FOXO1: variants seen among roughly 807,000 people sequenced by gnomAD.
The protein encoded by FOXO1 is forkhead box protein O1.
FOXO1 carries 6 observed loss-of-function variants against 44.1 expected under a neutral mutation model. The ratio of observed to expected loss-of-function variants is 0.14; its 90% CI spans 0.07 to 0.27. FOXO1 has a LOEUF of 0.27. Ranked by LOEUF, FOXO1 falls within the 10% of genes least tolerant of loss-of-function variation. FOXO1 has a pLI of 1.00. For synonymous variants in FOXO1, 380 were observed against 362.7 expected (o/e 1.05, Z -0.54); for missense variants, 737 against 888.8 (o/e 0.83, Z 2.17).
intron 1 of FOXO1, among the ~76,000 whole-genome samples, chr13:40,627,740 G>A (rs567909920): frequency 2.0e-4 from 31 of 152,084 alleles, no homozygotes; most frequent in Non-Finnish European, 3.5e-4. Flanking sequence ...AGCTGAGACA[G>A]GAGAATCGCT....
intron 1 of FOXO1, among the ~76,000 whole-genome samples, chr13:40,587,672 C>T (rs563179604): frequency 9.8e-5 from 15 of 152,346 alleles, no homozygotes; most frequent in Admixed American, 9.8e-4. Flanking sequence ...GCTTCTTCCA[C>T]ATCTGCTCTT....
chr13:40,658,731 C>T (rs904910221), intron 1 of FOXO1, among the ~76,000 whole-genome samples: 2 of 152,162 alleles, frequency 1.3e-5, no homozygotes, highest in Non-Finnish European at 2.9e-5. Context: ...AAGACGTGGC[C>T]GGGCGCAGTG....
chr13:40,651,656 CAAATATACATCT>C (rs892270454), intron 1 of FOXO1, among the ~76,000 whole-genome samples: 7 of 151,570 alleles, frequency 4.6e-5, no homozygotes, highest in African/African-American at 9.7e-5. Context: ...ACATGACATA[CAAATATACATCT>C]AAATATACAT....
At position 40,665,597 on chromosome 13, in the gene FOXO1, A is replaced by G; in HGVS notation, c.616T>C (p.Ser206Pro). ...YFKDKGDSNS[S>P]AGWKNSIRHN... ...AGTCCACTCACCTTCCAGCCCGCCG[A>G]GCTGTTGCTGTCACCCTTATCCTTG... Residue 206 changes from serine (S) to proline (P), a missense_variant, in exon 1 of 3, where the codon TCG becomes CCG. Transcript: ENST00000379561. The G allele has an allele frequency of 7.0e-7, 1 of 1,432,862 alleles. No homozygotes were observed. The highest frequency in any genetic ancestry group is 9.3e-7 in the Non-Finnish European group (1 of 1,076,236). 88.8% of individuals were successfully genotyped at this position (1,432,862 alleles called of 1,614,324 possible). A position where few individuals can be genotyped will look rare whatever the true frequency, so the allele number is the denominator to read the frequency against.
intron 1 of FOXO1, among the ~76,000 whole-genome samples, chr13:40,622,385 A>C (rs932620965): frequency 5.3e-5 from 8 of 152,208 alleles, no homozygotes; most frequent in Non-Finnish European, 8.8e-5. Context: ...ATAAACATTA[A>C]AACAAACAAA....
intron 1 of FOXO1, among the ~76,000 whole-genome samples, chr13:40,661,024 C>T (rs575216435): frequency 6.6e-6 from 1 of 152,290 alleles, no homozygotes; most frequent in East Asian, 1.9e-4. Context: ...CCACTCTTCT[C>T]GCCATCCCCT....
In FOXO1 at chr13:40,665,829, G is replaced by C. The variant is rs893366224; in HGVS notation, c.384C>G (p.Pro128=). Residue 128 remains proline (P), a synonymous_variant, in exon 1 of 3, where the codon CCC becomes CCG. Transcript: ENST00000379561. ...LHPAPPQPPP[P]GPLSQHPPVP... ...CCGGCGGGTGCTGCGACAGCGGCCC[G>C]GGCGGCGGGGGCTGCGGTGGCGCTG... 1 of 1,161,704 alleles carries C rather than the reference G, an allele frequency of 8.6e-7. No individual in the cohort carries two copies. Among genetic ancestry groups the C allele is most frequent in the African/African-American group, 1.6e-5 (1 of 61,272 alleles). The allele number at this position is 1,161,704 out of a possible 1,614,324, so 72.0% of individuals were successfully genotyped here.
rs75150434 is a variant in FOXO1, at chr13:40,632,560, C to A, written c.630+33023G>T. On this transcript the variant is annotated intron_variant, in intron 1 of 2. Transcript: ENST00000379561. ...GGCTGAGGCACGAATATCTCTTGAGCCCGGGAGGCGGAGGTTGCAGTGAGC... is the reference window on the plus strand; with the variant it reads ...GGCTGAGGCACGAATATCTCTTGAGACCGGGAGGCGGAGGTTGCAGTGAGC... Among the ~76,000 whole-genome samples the A allele has an allele frequency of 1.1e-3, 162 of 151,234 alleles. 4 individuals carry two copies. The East Asian group carries it at 0.02, about 18-fold the overall frequency.
At chr13:40,571,191 G>C (rs993488515) in intron 1 of FOXO1, among the ~76,000 whole-genome samples, 2 of 150,856 alleles carry the variant, frequency 1.3e-5, no homozygotes, top group Non-Finnish European at 2.9e-5. Context: ...TCTGTAGGCG[G>C]AAGGGGAACA....
chr13:40,592,990 G>A (rs939122816), intron 1 of FOXO1, among the ~76,000 whole-genome samples: 3 of 152,136 alleles, frequency 2.0e-5, no homozygotes, highest in Non-Finnish European at 4.4e-5. Flanking sequence ...TATGCCTCAA[G>A]AATAAAGGGA....
chr13:40,589,785 A>G (rs776112686), intron 1 of FOXO1, among the ~76,000 whole-genome samples: 1 of 152,176 alleles, frequency 6.6e-6, no homozygotes, highest in Admixed American at 6.5e-5. Context: ...CAGGAGTCCC[A>G]TTGTTTCAGT....
chr13:40,629,183 C>T (rs1057033355), intron 1 of FOXO1, among the ~76,000 whole-genome samples: 3 of 151,542 alleles, frequency 2.0e-5, no homozygotes, highest in Non-Finnish European at 4.4e-5. Context: ...ACTCTTGTTG[C>T]CCAGGCTGGA....
chr13:40,647,476 C>A (rs901998067), intron 1 of FOXO1, among the ~76,000 whole-genome samples: 3 of 152,176 alleles, frequency 2.0e-5, no homozygotes, highest in African/African-American at 7.2e-5. Flanking sequence ...GTGATCTCAG[C>A]TCACTGCAGC....
At chr13:40,583,428 A>G (rs1018411925) in intron 1 of FOXO1, among the ~76,000 whole-genome samples, 2 of 152,204 alleles carry the variant, frequency 1.3e-5, no homozygotes, top group East Asian at 3.8e-4. Flanking sequence ...TCTAGCTATG[A>G]AAGTCCTAGA....
At chr13:40,573,805 G>A (rs977603980) in intron 1 of FOXO1, among the ~76,000 whole-genome samples, 2 of 152,200 alleles carry the variant, frequency 1.3e-5, no homozygotes, top group Non-Finnish European at 2.9e-5. Context: ...CTGGCTATGC[G>A]CAATACACAT....
chr13:40,581,746 G>A (rs1593387216), intron 1 of FOXO1, among the ~76,000 whole-genome samples: 1 of 152,204 alleles, frequency 6.6e-6, no homozygotes, highest in East Asian at 1.9e-4. Flanking sequence ...GCCATATCTG[G>A]TCATGTAAGA....
At chr13:40,602,924 T>C (rs1186309199) in intron 1 of FOXO1, among the ~76,000 whole-genome samples, 2 of 151,864 alleles carry the variant, frequency 1.3e-5, no homozygotes, top group African/African-American at 4.8e-5. Context: ...ATTAGTAGAG[T>C]TCAAGGTCCC....
At chr13:40,607,855 C>T (rs1876076613) in intron 1 of FOXO1, among the ~76,000 whole-genome samples, 1 of 152,226 alleles carries the variant, frequency 6.6e-6, no homozygotes, top group African/African-American at 2.4e-5. Flanking sequence ...TTTTACAGAA[C>T]AAGGGGCCCA....
Position 40,666,017 on chromosome 13 carries a change from C to T in FOXO1, c.196G>A (p.Val66Ile). 3 of 1,273,366 alleles carry T rather than the reference C, an allele frequency of 2.4e-6. No homozygotes were observed. Among genetic ancestry groups the T allele is most frequent in the South Asian group, 2.7e-5 (1 of 37,220 alleles). 78.9% of individuals were successfully genotyped at this position (1,273,366 alleles called of 1,614,324 possible). ...AGGTTGCTCATGAAGTCGGCGCTGA[C>T]AGCGGCAGCCGAGGCCGAGGGCAGG... ...AGLPSASAAA[V>I]SADFMSNLSL... The change falls in exon 1 of 3, where the codon GTC becomes ATC. Residue 66 changes from valine (V) to isoleucine (I), a missense_variant. By Grantham distance (29) the Val-to-Ile change is conservative. Around this residue, in one of 7 missense-constraint regions of FOXO1, gnomAD observed 213 missense variants for 236.4 expected, o/e 0.90. Coordinates refer to ENST00000379561, the MANE Select transcript of FOXO1 (RefSeq NM_002015.4).
Sources: gnomAD v4.1 joint callset for allele counts (sites outside exome capture counted in the v4.1 genomes callset) on GRCh38, gnomAD v4.1.1 for gene constraint, gnomAD v4.1.1 regional missense constraint, MANE v1.5 for transcripts, NCBI Gene and HGNC (gene_info 2026-07-23, HGNC 2026-07-21) for gene names.